ZNF184: variants seen among roughly 807,000 people sequenced by gnomAD.
ZNF184 encodes the protein zinc finger protein 184 (Kruppel-like).
In ZNF184, 16 loss-of-function variants were observed where a neutral mutation model predicts 54.4. The observed-to-expected ratio is 0.29, with a 90% CI of 0.20 to 0.45. ZNF184 has a LOEUF of 0.45. Among genes scored for constraint, ZNF184 ranks in the 20% least tolerant of loss-of-function variants. ZNF184 has a pLI of 1.00. For synonymous variants in ZNF184, 254 were observed against 295.3 expected, an observed-to-expected ratio of 0.86 and a Z score of 1.43; for missense variants, 681 against 888.2, an observed-to-expected ratio of 0.77 and a Z score of 2.97.
the ZNF184 span, among the ~76,000 whole-genome samples, chr6:27,422,266 C>T: frequency 6.7e-6 from 1 of 148,726 alleles, no homozygotes; most frequent in Non-Finnish European, 1.5e-5. Flanking sequence ...CAGAGTCTAA[C>T]GACAAATGGT....
In ZNF184 at chr6:27,452,697, T is replaced by C. The variant is rs1423870079; in HGVS notation, c.862A>G (p.Ile288Val). ...YKCDQCGKGF[I>V]EGPSLTQHQR... ...TGTTGAGTAAGAGATGGACCCTCAATGAAGCCTTTTCCACACTGATCACAT... is the reference window on the plus strand; with the variant it reads ...TGTTGAGTAAGAGATGGACCCTCAACGAAGCCTTTTCCACACTGATCACAT... Residue 288 changes from isoleucine to valine, a missense_variant, in exon 6 of 6, where the codon ATT becomes GTT. Ile to Val is a conservative substitution (Grantham distance 29). Transcript: ENST00000683788. This position sits in a 1 kb window ranked among gnomAD's most constrained non-coding sequence, Gnocchi z 5.5. 2.5e-6 allele frequency: 4 copies of C among 1,614,174 alleles called. No individual in the cohort carries two copies. The highest frequency in any genetic ancestry group is 2.2e-5 in the East Asian group (1 of 44,882).
At chr6:27,428,214 C>G in the ZNF184 span, among the ~76,000 whole-genome samples, 2 of 152,182 alleles carry the variant, frequency 1.3e-5, no homozygotes, top group Non-Finnish European at 1.5e-5. This position sits in a 1 kb window ranked among gnomAD's most constrained non-coding sequence, Gnocchi z 4.1. Flanking sequence ...AACCCAAGCT[C>G]TAGCATGAAA....
the ZNF184 span, among the ~76,000 whole-genome samples, chr6:27,423,730 T>C: frequency 6.6e-6 from 1 of 152,074 alleles, no homozygotes; most frequent in African/African-American, 2.4e-5. Flanking sequence ...TATATATCTA[T>C]ATACAAAGAA....
the ZNF184 span, among the ~76,000 whole-genome samples, chr6:27,411,350 A>G: frequency 6.6e-5 from 10 of 152,270 alleles, no homozygotes; most frequent in South Asian, 1.9e-3. Context: ...CAATATACGA[A>G]TTTTGGGGAT....
chr6:27,408,833 G>A, the ZNF184 span, among the ~76,000 whole-genome samples: 1 of 152,062 alleles, frequency 6.6e-6, no homozygotes, highest in Non-Finnish European at 1.5e-5. Context: ...GGAACTTTTA[G>A]GAATGTCAGG....
the ZNF184 span, among the ~76,000 whole-genome samples, chr6:27,445,721 C>CA: frequency 0.077 from 9,996 of 129,240 alleles, 571 homozygotes; most frequent in African/African-American, 0.14. Flanking sequence ...TCTGTTATAG[C>CA]AAAAAAAAAA....
the ZNF184 span, among the ~76,000 whole-genome samples, chr6:27,424,540 A>T: frequency 6.6e-6 from 1 of 152,066 alleles, no homozygotes; most frequent in Non-Finnish European, 1.5e-5. Context: ...GATTAGTTAG[A>T]TACAGAGTAT....
the ZNF184 span, among the ~76,000 whole-genome samples, chr6:27,442,875 A>AG: frequency 1.6e-5 from 1 of 63,004 alleles, no homozygotes; most frequent in African/African-American, 4.6e-5. Context: ...AGAAAGAAAG[A>AG]AAGAAAAAGA....
rs1256054608 is a variant in ZNF184 at position 27,453,533 on chromosome 6, G to C, written c.299-273C>G. 6.6e-6 allele frequency among the ~76,000 whole-genome samples: 1 copy of C among 152,184 alleles called. No homozygotes were observed. Among genetic ancestry groups the C allele is most frequent in the Non-Finnish European group, 1.5e-5 (1 of 68,038 alleles). On this transcript the variant is annotated intron_variant, in intron 5 of 5. Coordinates refer to ENST00000683788, the MANE Select transcript of ZNF184 (RefSeq NM_001318891.2). The surrounding 1 kb of genome is among the most constrained non-coding windows in gnomAD (Gnocchi z 4.7). ...TTTAAGGTAATAGTTGACTAAAAAG[G>C]TGACAACAGAGATGGCTAAGAGTAG...
At chr6:27,434,156 G>C in the ZNF184 span, among the ~76,000 whole-genome samples, 6 of 152,256 alleles carry the variant, frequency 3.9e-5, no homozygotes, top group African/African-American at 1.4e-4. Context: ...GAGTAGCTAA[G>C]ACTACATTTG....
the ZNF184 span, among the ~76,000 whole-genome samples, chr6:27,444,655 A>G: frequency 1.3e-5 from 2 of 152,108 alleles, no homozygotes; most frequent in African/African-American, 2.4e-5. Flanking sequence ...TCCTAAGATC[A>G]CCACTGACCT....
chr6:27,416,567 T>A, the ZNF184 span, among the ~76,000 whole-genome samples: 3 of 152,178 alleles, frequency 2.0e-5, no homozygotes, highest in African/African-American at 7.2e-5. Flanking sequence ...TGAGGATAAG[T>A]ATACGTCTCT....
chr6:27,464,054 C>G (rs1763064553), intron 3 of ZNF184, among the ~76,000 whole-genome samples: 1 of 152,136 alleles, frequency 6.6e-6, no homozygotes, highest in South Asian at 2.1e-4. Context: ...TCACTCGTCT[C>G]AACCCACTGG....
At chr6:27,459,175 G>C (rs1762938207) in intron 3 of ZNF184, among the ~76,000 whole-genome samples, 1 of 152,132 alleles carries the variant, frequency 6.6e-6, no homozygotes, top group Admixed American at 6.5e-5. Flanking sequence ...GCACTATAGC[G>C]TGAATATGGT....
rs775853516 is a variant in ZNF184 at position 27,452,979 on chromosome 6, C to T, written c.580G>A (p.Val194Ile). ...GKSVNVSSNL[V>I]TQEPSPEETS... ...TCTTCTGGAGATGGTTCTTGTGTTACAAGGTTTGAACTCACATTGACACTT... is the reference window on the plus strand; with the variant it reads ...TCTTCTGGAGATGGTTCTTGTGTTATAAGGTTTGAACTCACATTGACACTT... The change falls in exon 6 of 6, where the codon GTA becomes ATA. Residue 194 changes from valine to isoleucine, a missense_variant. Physicochemically the swap from Val to Ile is conservative, Grantham distance 29 (BLOSUM62 3). Coordinates refer to ENST00000683788, the MANE Select transcript of ZNF184 (RefSeq NM_001318891.2). The surrounding 1 kb of genome is among the most constrained non-coding windows in gnomAD (Gnocchi z 5.5). The T allele has an allele frequency of 6.2e-7, 1 of 1,614,140 alleles. No individual in the cohort carries two copies. The highest frequency in any genetic ancestry group is 1.7e-5 in the Admixed American group (1 of 60,024).
downstream of ZNF184, among the ~76,000 whole-genome samples, chr6:27,446,429 T>C (rs1266386934): frequency 2.0e-5 from 3 of 152,216 alleles, no homozygotes; most frequent in African/African-American, 7.2e-5. Flanking sequence ...GCAGTGTCCA[T>C]GTGGTGCTGA....
At chr6:27,467,296 T>C (rs1314244811) in intron 3 of ZNF184, among the ~76,000 whole-genome samples, 1 of 152,086 alleles carries the variant, frequency 6.6e-6, no homozygotes, top group Non-Finnish European at 1.5e-5. Context: ...TTTGGCCTAT[T>C]AAAGGATCAA....
At chr6:27,468,713 C>T (rs1763202543) in intron 2 of ZNF184, among the ~76,000 whole-genome samples, 1 of 152,142 alleles carries the variant, frequency 6.6e-6, no homozygotes, top group South Asian at 2.1e-4. Flanking sequence ...ACATAATTAA[C>T]AACATGGATG....
the ZNF184 span, among the ~76,000 whole-genome samples, chr6:27,440,264 A>G: frequency 1.3e-5 from 2 of 152,240 alleles, no homozygotes; most frequent in Non-Finnish European, 2.9e-5. Flanking sequence ...GAGGTAGTGT[A>G]AAGTTGCTCA....
Sources: allele counts gnomAD v4.1 joint callset (sites outside exome capture counted in the v4.1 genomes callset), GRCh38; gene constraint gnomAD v4.1.1; non-coding constraint Gnocchi (gnomAD v3.1); transcripts MANE v1.5; gene names NCBI Gene and HGNC (gene_info 2026-07-23, HGNC 2026-07-21).